The following RBFOX1 variants were observed in gnomAD, a reference collection of about 807,000 sequenced individuals.
RBFOX1 encodes RNA binding protein fox-1 homolog 1.
A neutral mutation model predicts 57.7 loss-of-function variants in RBFOX1; 8 were observed. That is an observed-to-expected ratio of 0.14 (90% CI 0.08 to 0.25). The LOEUF is 0.25. RBFOX1 is among the 10% of genes least tolerant of loss of function. The probability of loss-of-function intolerance (pLI) is 1.00; values close to 1 mark genes in which losing one functional copy is unlikely to be tolerated. For missense variants in RBFOX1, 611 were observed against 548.5 expected (o/e 1.11, Z -1.14); for synonymous variants, 326 against 222.4 (o/e 1.47, Z -4.15).
intron 4 of RBFOX1, among the ~76,000 whole-genome samples, chr16:7,305,863 A>C (rs1289341343): frequency 6.6e-6 from 1 of 152,174 alleles, no homozygotes; most frequent in Non-Finnish European, 1.5e-5. Flanking sequence ...TTCCCAAGAG[A>C]GTATTGATAA....
At chr16:6,020,165 T>TC (rs996305991) in intron 1 of RBFOX1, among the ~76,000 whole-genome samples, 173 bp downstream of exon 1, 29 of 151,304 alleles carry the variant, frequency 1.9e-4, no homozygotes, top group Non-Finnish European at 4.1e-4. Context: ...TCGAGGCGTG[T>TC]CCCCCCCTAC....
chr16:5,920,880 A>C (rs969140042), intron 4 of RBFOX1, among the ~76,000 whole-genome samples: 1 of 152,220 alleles, frequency 6.6e-6, no homozygotes, highest in African/African-American at 2.4e-5. Context: ...AAGCACAGAC[A>C]CTTCCTGCCC....
intron 1 of RBFOX1, among the ~76,000 whole-genome samples, chr16:5,346,702 T>G (rs1296159239): frequency 6.6e-6 from 1 of 152,162 alleles, no homozygotes; most frequent in African/African-American, 2.4e-5. Context: ...CTTTGCTGTT[T>G]TCTAAGGCAT....
intron 2 of RBFOX1, among the ~76,000 whole-genome samples, chr16:6,339,081 C>T (rs2084168463): frequency 6.6e-6 from 1 of 152,096 alleles, no homozygotes; most frequent in Admixed American, 6.5e-5. Context: ...TATGTGCATG[C>T]AGTGAAAGCG....
At chr16:5,672,379 A>G (rs575667399) in intron 3 of RBFOX1, among the ~76,000 whole-genome samples, 5 of 152,016 alleles carry the variant, frequency 3.3e-5, no homozygotes, top group African/African-American at 1.2e-4. Flanking sequence ...GCTTCCCACC[A>G]TTTCTGCACC....
chr16:6,746,954 C>T (rs1468719592), intron 3 of RBFOX1, among the ~76,000 whole-genome samples: 1 of 152,114 alleles, frequency 6.6e-6, no homozygotes, highest in Non-Finnish European at 1.5e-5. Flanking sequence ...TGGGCTCAAA[C>T]TAAAATCTCA....
At chr16:6,379,228 C>G (rs2091531857) in intron 2 of RBFOX1, among the ~76,000 whole-genome samples, 2 of 152,026 alleles carry the variant, frequency 1.3e-5, no homozygotes, top group South Asian at 4.1e-4. Flanking sequence ...AGGTCTGCAT[C>G]AAATGGAGAA....
At chr16:7,207,737 C>G (rs928735409) in intron 4 of RBFOX1, among the ~76,000 whole-genome samples, 2 of 152,186 alleles carry the variant, frequency 1.3e-5, no homozygotes, top group Admixed American at 6.5e-5. Flanking sequence ...GCAGTTGCCT[C>G]CAACACAGCC....
intron 1 of RBFOX1, among the ~76,000 whole-genome samples, chr16:6,262,676 A>T (rs1308201592): frequency 6.6e-6 from 1 of 152,164 alleles, no homozygotes; most frequent in Non-Finnish European, 1.5e-5. Flanking sequence ...CAAAGGGTTG[A>T]GGGCTGTGAT....
At chr16:7,292,265 A>G (rs1341171257) in intron 4 of RBFOX1, among the ~76,000 whole-genome samples, 8 of 106,896 alleles carry the variant, frequency 7.5e-5, no homozygotes, top group African/African-American at 3.3e-4. Context: ...TATATGATAT[A>G]GAACGTATTA....
At chr16:7,620,484 CT>C (rs1211752440) in intron 10 of RBFOX1, among the ~76,000 whole-genome samples, 6 of 152,192 alleles carry the variant, frequency 3.9e-5, no homozygotes, top group African/African-American at 1.4e-4. Context: ...TTATTTCAAT[CT>C]TGCAAGTAGG....
intron 3 of RBFOX1, among the ~76,000 whole-genome samples, chr16:5,693,264 A>T (rs1043272177): frequency 2.6e-5 from 4 of 152,130 alleles, no homozygotes; most frequent in African/African-American, 9.7e-5. Flanking sequence ...AACTGTGGGT[A>T]ATGAGGCTTG....
chr16:7,518,527 A>G, intron 5 of RBFOX1, 138 bp downstream of exon 5: 2 of 1,123,122 alleles, frequency 1.8e-6, no homozygotes, highest in Non-Finnish European at 2.4e-6. Flanking sequence ...TCATCATACC[A>G]GCTTCCTGAA....
At chr16:6,797,701 A>G (rs1039647507) in intron 3 of RBFOX1, among the ~76,000 whole-genome samples, 1 of 152,152 alleles carries the variant, frequency 6.6e-6, no homozygotes. Context: ...CATTCCAACT[A>G]TAGGCATTAA....
At chr16:7,676,979 G>A (rs2073461746) in intron 14 of RBFOX1, 141 bp downstream of exon 14, 8 of 721,394 alleles carry the variant, frequency 1.1e-5, no homozygotes, top group South Asian at 3.4e-5. Context: ...CATGGTGAAC[G>A]TGAACTCAAG....
intron 4 of RBFOX1, among the ~76,000 whole-genome samples, chr16:7,374,205 A>G (rs911919190): frequency 5.9e-5 from 9 of 152,086 alleles, no homozygotes; most frequent in Admixed American, 1.3e-4. Context: ...AATTTTGGGG[A>G]TTCAATATGG....
intron 1 of RBFOX1, among the ~76,000 whole-genome samples, chr16:5,314,571 G>C (rs572525477): frequency 2.0e-5 from 3 of 152,320 alleles, no homozygotes; most frequent in South Asian, 2.1e-4. Flanking sequence ...TGCAATCACA[G>C]CTCACTGCGG....
intron 3 of RBFOX1, among the ~76,000 whole-genome samples, chr16:5,662,273 C>T (rs1447286203): frequency 6.6e-6 from 1 of 152,062 alleles, no homozygotes; most frequent in African/African-American, 2.4e-5. Flanking sequence ...TTCAGGACTC[C>T]TTTATGCTCT....
rs149284692 is a variant in RBFOX1 at position 6,180,596 on chromosome 16, C to T, written c.-126-136399C>T. 8.0e-3 allele frequency among the ~76,000 whole-genome samples: 1,194 copies of T among 150,002 alleles called. 16 individuals carry two copies. Among genetic ancestry groups the T allele is most frequent in the African/African-American group, 0.028 (1,151 of 40,804 alleles). Reference sequence around the variant, plus strand: ...TTTTTTCTTTTTTGAGATGGAGTTTCGCTTTGTCACCCAGGCTGGAGTGCA... The same window carrying T: ...TTTTTTCTTTTTTGAGATGGAGTTTTGCTTTGTCACCCAGGCTGGAGTGCA... On this transcript the variant is annotated intron_variant, in intron 1 of 15. Transcript: ENST00000550418.
Sources: allele counts gnomAD v4.1 joint callset (sites outside exome capture counted in the v4.1 genomes callset), GRCh38; gene constraint gnomAD v4.1.1; transcripts MANE v1.5; gene names NCBI Gene and HGNC (gene_info 2026-07-23, HGNC 2026-07-21).